Variants in ZNF521 observed in about 807,000 individuals in gnomAD.
The protein encoded by ZNF521 is LYST-interacting protein 3.
Under a neutral mutation model 105.5 loss-of-function variants are expected in ZNF521, and 14 were observed. The ratio of observed to expected loss-of-function variants is 0.13; its 90% CI spans 0.09 to 0.21. ZNF521 has a LOEUF of 0.21. Ranked by LOEUF, ZNF521 falls within the 10% of genes least tolerant of loss-of-function variation. The probability of loss-of-function intolerance (pLI) is 1.00; values close to 1 mark genes in which losing one functional copy is unlikely to be tolerated. For missense variants in ZNF521, 1,233 were observed against 1,629.7 expected (o/e 0.76, Z 4.19); for synonymous variants, 635 against 606.0 (o/e 1.05, Z -0.70).
At chr18:25,185,618 G>A (rs2035707683) in intron 5 of ZNF521, among the ~76,000 whole-genome samples, 1 of 152,134 alleles carries the variant, frequency 6.6e-6, no homozygotes, top group Non-Finnish European at 1.5e-5. Flanking sequence ...AGCATATAAA[G>A]GGGCAATGCA....
At chr18:25,231,104 G>C (rs550341277) in intron 3 of ZNF521, among the ~76,000 whole-genome samples, 14 of 152,282 alleles carry the variant, frequency 9.2e-5, no homozygotes, top group African/African-American at 3.4e-4. Context: ...TAATTTCGCT[G>C]GCTGGCCACA....
chr18:25,211,762 T>C (rs2036183238), intron 4 of ZNF521, among the ~76,000 whole-genome samples: 1 of 152,248 alleles, frequency 6.6e-6, no homozygotes, highest in Admixed American at 6.5e-5. Flanking sequence ...TTGTGATTTA[T>C]ATTGTGTGGG....
rs554293748 is a variant in ZNF521, at chr18:25,062,317, C to T, written c.*395G>A. On this transcript the variant is annotated 3_prime_UTR_variant, in exon 8 of 8. Coordinates refer to ENST00000361524, the MANE Select transcript of ZNF521 (RefSeq NM_015461.3). ...GATATACCTAAAGAGAAATTCTAGG[C>T]TTAAGTGTAAAGAAAAGGAAGTCCA... is the stretch of plus-strand genomic sequence containing the variant. The T allele has an allele frequency of 2.4e-4, 58 of 241,954 alleles. No individual in the cohort carries two copies. In the East Asian group the frequency reaches 3.7e-3, roughly 15 times the overall value. The allele number at this position is 241,954 out of a possible 1,614,324, so 15.0% of individuals were successfully genotyped here.
At chr18:25,235,648 C>T (rs1906837033) in intron 3 of ZNF521, among the ~76,000 whole-genome samples, 1 of 152,200 alleles carries the variant, frequency 6.6e-6, no homozygotes, top group African/African-American at 2.4e-5. Context: ...CTTTCAGTCA[C>T]CAGGAATTAT....
intron 5 of ZNF521, among the ~76,000 whole-genome samples, chr18:25,135,184 G>C (rs748652639): frequency 2.2e-4 from 34 of 151,934 alleles, no homozygotes; most frequent in Non-Finnish European, 4.4e-4. Context: ...AAAAGGACAA[G>C]AATGACAAAA....
chr18:25,350,767 G>C (rs569208464), intron 2 of ZNF521, 140 bp downstream of exon 2: 5 of 781,492 alleles, frequency 6.4e-6, no homozygotes, highest in Non-Finnish European at 9.9e-6. Flanking sequence ...GGGGCTCAGC[G>C]GGGAGGGGAG....
In ZNF521 at chr18:25,200,399, C is replaced by CT. The variant is rs67164276; in HGVS notation, c.3574-5156dup. On this transcript the variant is annotated intron_variant, in intron 4 of 7. Transcript: ENST00000361524. Reference sequence around the variant, plus strand: ...TTTGTCCTCAGTGTTCTGCAGTTTTCTTTTTTTTTTTGGCCATGTTTCAAA... The same window carrying CT: ...TTTGTCCTCAGTGTTCTGCAGTTTTCTTTTTTTTTTTTGGCCATGTTTCAAA... Among the ~76,000 whole-genome samples, 275 of 144,032 alleles carry CT rather than the reference C, an allele frequency of 1.9e-3. 2 individuals carry two copies. Among genetic ancestry groups the CT allele is most frequent in the Middle Eastern group, 7.1e-3 (2 of 280 alleles). 94.5% of individuals were successfully genotyped at this position (144,032 alleles called of 152,430 possible). A position where few individuals can be genotyped will look rare whatever the true frequency, so the allele number is the denominator to read the frequency against.
At chr18:25,207,242 T>A (rs1198526914) in intron 4 of ZNF521, among the ~76,000 whole-genome samples, 1 of 152,116 alleles carries the variant, frequency 6.6e-6, no homozygotes, top group Non-Finnish European at 1.5e-5. Flanking sequence ...ACCTTGCCCA[T>A]GACTCACAGA....
chr18:25,072,444 C>A (rs2033248542), intron 7 of ZNF521, among the ~76,000 whole-genome samples: 1 of 152,088 alleles, frequency 6.6e-6, no homozygotes, highest in African/African-American at 2.4e-5. Flanking sequence ...GCAAGCTGAC[C>A]CCTATCTGTT....
intron 5 of ZNF521, among the ~76,000 whole-genome samples, chr18:25,101,110 A>G (rs2033957799): frequency 6.6e-6 from 1 of 152,214 alleles, no homozygotes; most frequent in Non-Finnish European, 1.5e-5. Context: ...TTGCATGTGT[A>G]CATCATTCAT....
intron 3 of ZNF521, among the ~76,000 whole-genome samples, chr18:25,305,483 T>C (rs1030455821): frequency 6.6e-6 from 1 of 152,188 alleles, no homozygotes; most frequent in African/African-American, 2.4e-5. Context: ...ATATTTTGTA[T>C]AGAACTTAGA....
chr18:25,112,639 G>C (rs1364120005), intron 5 of ZNF521, among the ~76,000 whole-genome samples: 1 of 152,172 alleles, frequency 6.6e-6, no homozygotes, highest in East Asian at 1.9e-4. Flanking sequence ...GTCTGTAGTA[G>C]GGAATGTGGG....
At chr18:25,180,824 GT>G (rs1228613531) in intron 5 of ZNF521, among the ~76,000 whole-genome samples, 2 of 151,962 alleles carry the variant, frequency 1.3e-5, no homozygotes, top group African/African-American at 4.8e-5. Context: ...AAAATAAAAG[GT>G]TCTGCCTCAT....
intron 5 of ZNF521, among the ~76,000 whole-genome samples, chr18:25,121,894 G>A (rs2034450945): frequency 6.6e-6 from 1 of 151,942 alleles, no homozygotes; most frequent in African/African-American, 2.4e-5. Flanking sequence ...TACCCAGCAA[G>A]GTAAAATTCA....
At chr18:25,095,018 A>G (rs955614499) in intron 5 of ZNF521, among the ~76,000 whole-genome samples, 14 of 152,078 alleles carry the variant, frequency 9.2e-5, no homozygotes, top group Admixed American at 7.2e-4. Context: ...TTCTAATTCC[A>G]TATTTACCTT....
intron 5 of ZNF521, among the ~76,000 whole-genome samples, chr18:25,096,278 A>G (rs763233998): frequency 2.0e-5 from 3 of 152,184 alleles, no homozygotes; most frequent in Non-Finnish European, 4.4e-5. Context: ...CTAATCACTT[A>G]CAAAATTTTG....
chr18:25,105,391 T>C (rs2034051732), intron 5 of ZNF521, among the ~76,000 whole-genome samples: 1 of 152,158 alleles, frequency 6.6e-6, no homozygotes, highest in Non-Finnish European at 1.5e-5. Flanking sequence ...TAGGCCAACT[T>C]GACTTTTAAG....
At chr18:25,134,026 T>A (rs760874568) in intron 5 of ZNF521, among the ~76,000 whole-genome samples, 5 of 152,124 alleles carry the variant, frequency 3.3e-5, no homozygotes, top group Non-Finnish European at 5.9e-5. Flanking sequence ...TAATCAGGAA[T>A]ATTACTACAC....
intron 5 of ZNF521, among the ~76,000 whole-genome samples, chr18:25,177,657 C>G (rs920115962): frequency 6.6e-6 from 1 of 151,878 alleles, no homozygotes; most frequent in East Asian, 1.9e-4. Context: ...TTTAGAGAAG[C>G]TTATATATAC....
Sources: gnomAD v4.1 joint callset for allele counts (sites outside exome capture counted in the v4.1 genomes callset) on GRCh38, gnomAD v4.1.1 for gene constraint, MANE v1.5 for transcripts, NCBI Gene and HGNC (gene_info 2026-07-23, HGNC 2026-07-21) for gene names.